Variants in PRIM2 observed in about 807,000 individuals in gnomAD.
PRIM2 encodes DNA primase large subunit.
PRIM2 carries 39 observed loss-of-function variants against 67.3 expected under a neutral mutation model. That is an observed-to-expected ratio of 0.58 (90% CI 0.45 to 0.76). The LOEUF (loss-of-function observed/expected upper bound fraction) is 0.76. PRIM2 is among the 30% of genes least tolerant of loss of function. The pLI is 0.00. For missense variants in PRIM2, 398 were observed against 598.7 expected (o/e 0.66, Z 3.50); for synonymous variants, 143 against 198.7 (o/e 0.72, Z 2.36).
At chr6:57,537,394 A>T (rs1385560050) in intron 9 of PRIM2, 46 bp from the exon 10 acceptor site, 2 of 982,846 alleles carry the variant, frequency 2.0e-6, no homozygotes, top group Non-Finnish European at 1.5e-6. Flanking sequence ...AGGGGACCTG[A>T]TAAGTCTTCC....
chr6:57,512,005 G>A (rs1554347744), intron 8 of PRIM2, among the ~76,000 whole-genome samples: 2 of 152,144 alleles, frequency 1.3e-5, no homozygotes, highest in African/African-American at 4.8e-5. Context: ...AGGGTGAAGG[G>A]TACTGAATCG....
chr6:57,580,980 G>A (rs1398898766), intron 10 of PRIM2, among the ~76,000 whole-genome samples: 1 of 152,122 alleles, frequency 6.6e-6, no homozygotes, highest in Non-Finnish European at 1.5e-5. Context: ...GGGAGGTGGG[G>A]ACAGAAAATA....
intron 12 of PRIM2, among the ~76,000 whole-genome samples, chr6:57,614,973 GTATC>G (rs1776729506): frequency 6.6e-6 from 1 of 152,172 alleles, no homozygotes; most frequent in Non-Finnish European, 1.5e-5. Context: ...TTTGGGTATT[GTATC>G]TATCTATCAA....
At chr6:57,292,590 C>T in the PRIM2 span, among the ~76,000 whole-genome samples, 17 of 152,148 alleles carry the variant, frequency 1.1e-4, no homozygotes, top group African/African-American at 3.6e-4. Flanking sequence ...TACCTGACTT[C>T]GAACTAAACT....
chr6:57,225,358 T>C, the PRIM2 span, among the ~76,000 whole-genome samples: 1 of 152,222 alleles, frequency 6.6e-6, no homozygotes. Flanking sequence ...TTTATTTGAC[T>C]TGAGGCTGCT....
intron 7 of PRIM2, among the ~76,000 whole-genome samples, chr6:57,484,176 C>G (rs1318256821): frequency 6.6e-6 from 1 of 152,174 alleles, no homozygotes; most frequent in Non-Finnish European, 1.5e-5. Context: ...TTCGACCTGG[C>G]TTGAGCTTTA....
intron 7 of PRIM2, among the ~76,000 whole-genome samples, chr6:57,479,195 A>T (rs1773552968): frequency 6.6e-6 from 1 of 152,262 alleles, no homozygotes; most frequent in East Asian, 1.9e-4. Flanking sequence ...ATTTTGAGTC[A>T]CTAAAAACGG....
chr6:57,386,360 A>G (rs1414690796), intron 7 of PRIM2, among the ~76,000 whole-genome samples: 2 of 144,318 alleles, frequency 1.4e-5, no homozygotes, highest in Non-Finnish European at 3.0e-5. Context: ...CAAGGCTGCA[A>G]TGAGCTATAA....
the PRIM2 span, among the ~76,000 whole-genome samples, chr6:57,293,268 A>G: frequency 2.0e-5 from 3 of 152,250 alleles, no homozygotes; most frequent in Non-Finnish European, 4.4e-5. Flanking sequence ...GAGAAATGCA[A>G]ATCAAAACCA....
chr6:57,277,923 G>T, the PRIM2 span, among the ~76,000 whole-genome samples: 1 of 152,082 alleles, frequency 6.6e-6, no homozygotes, highest in Non-Finnish European at 1.5e-5. Context: ...GGTGGAGCTT[G>T]CAGTGAGCCG....
At chr6:57,531,089 G>A (rs1250933697) in intron 8 of PRIM2, among the ~76,000 whole-genome samples, 4 of 152,200 alleles carry the variant, frequency 2.6e-5, no homozygotes, top group Non-Finnish European at 5.9e-5. Flanking sequence ...CATCTTGAGC[G>A]TATATGTGGT....
At chr6:57,254,083 C>T in the PRIM2 span, among the ~76,000 whole-genome samples, 2 of 152,212 alleles carry the variant, frequency 1.3e-5, no homozygotes, top group African/African-American at 4.8e-5. Context: ...ACACAGATTT[C>T]TGAGCTCCAT....
chr6:57,266,067 C>G, the PRIM2 span, among the ~76,000 whole-genome samples: 2 of 152,176 alleles, frequency 1.3e-5, no homozygotes, highest in African/African-American at 4.8e-5. Flanking sequence ...TTATAAAGAG[C>G]TTGAACAAAT....
At chr6:57,268,496 G>C in the PRIM2 span, among the ~76,000 whole-genome samples, 1 of 151,788 alleles carries the variant, frequency 6.6e-6, no homozygotes, top group East Asian at 1.9e-4. Flanking sequence ...TAACATTCTT[G>C]GTAGAAAAAT....
chr6:57,413,098 A>G (rs1350687255), intron 7 of PRIM2, among the ~76,000 whole-genome samples: 2 of 151,682 alleles, frequency 1.3e-5, no homozygotes, highest in Non-Finnish European at 2.9e-5. Context: ...GGAGCATGGC[A>G]AAAGAGACCA....
intron 10 of PRIM2, among the ~76,000 whole-genome samples, chr6:57,570,879 G>A (rs1484179918): frequency 6.6e-6 from 1 of 152,038 alleles, no homozygotes; most frequent in Non-Finnish European, 1.5e-5. Flanking sequence ...TCATCTTCAG[G>A]TTGTAAAGCT....
intron 7 of PRIM2, among the ~76,000 whole-genome samples, chr6:57,471,472 G>C (rs1773336253): frequency 6.6e-6 from 1 of 151,962 alleles, no homozygotes; most frequent in African/African-American, 2.4e-5. Context: ...AAGGAGAGGA[G>C]GAAGTAGAGA....
At chr6:57,256,412 A>T in the PRIM2 span, among the ~76,000 whole-genome samples, 1 of 152,168 alleles carries the variant, frequency 6.6e-6, no homozygotes, top group East Asian at 1.9e-4. Flanking sequence ...AAATACTTTA[A>T]ATCATTGGAA....
At chr6:57,326,594 G>A (rs576872787) in intron 5 of PRIM2, among the ~76,000 whole-genome samples, 11 of 152,004 alleles carry the variant, frequency 7.2e-5, no homozygotes, top group East Asian at 1.9e-4. Context: ...GGTGCTGCGC[G>A]TCCATAATTC....
Sources: gnomAD v4.1 joint callset for allele counts (sites outside exome capture counted in the v4.1 genomes callset) on GRCh38, gnomAD v4.1.1 for gene constraint, MANE v1.5 for transcripts, NCBI Gene and HGNC (gene_info 2026-07-23, HGNC 2026-07-21) for gene names.